LARP1: variants seen among roughly 807,000 people sequenced by gnomAD.
The protein encoded by LARP1 is La ribonucleoprotein 1, translational regulator.
Under a neutral mutation model 122.7 loss-of-function variants are expected in LARP1, and 36 were observed. The observed-to-expected ratio is 0.29, with a 90% CI of 0.22 to 0.39. The LOEUF is 0.39. Ranked by LOEUF, LARP1 falls within the 10% of genes least tolerant of loss-of-function variation. The probability of loss-of-function intolerance (pLI) is 1.00; values close to 1 mark genes in which losing one functional copy is unlikely to be tolerated. For synonymous variants in LARP1, 539 were observed against 528.7 expected, an observed-to-expected ratio of 1.02 and a Z score of -0.27; for missense variants, 1,040 against 1,403.6, an observed-to-expected ratio of 0.74 and a Z score of 4.14.
chr5:154,685,659 A>G (rs1432414934), intron 1 of LARP1: 1 of 358,184 alleles, frequency 2.8e-6, no homozygotes, highest in Admixed American at 3.8e-5. Context: ...CTGCTAGTCT[A>G]TACGATGCCT....
At chr5:154,807,515 A>G (rs910689122) in intron 15 of LARP1, among the ~76,000 whole-genome samples, 20 of 152,014 alleles carry the variant, frequency 1.3e-4, no homozygotes, top group Middle Eastern at 3.2e-3. Context: ...TCCTTCCAAC[A>G]CTTGTTATTG....
intron 1 of LARP1, among the ~76,000 whole-genome samples, chr5:154,769,846 C>T (rs774082833): frequency 1.8e-4 from 27 of 152,276 alleles, no homozygotes; most frequent in Middle Eastern, 6.8e-3. Flanking sequence ...GTGCCTCTCA[C>T]GGTGAGCCAA....
intron 1 of LARP1, among the ~76,000 whole-genome samples, chr5:154,776,658 CTTAAA>C (rs1035977559): frequency 6.6e-6 from 1 of 152,190 alleles, no homozygotes; most frequent in Non-Finnish European, 1.5e-5. Context: ...TGCCCACCTT[CTTAAA>C]TTAATTTCTG....
At chr5:154,714,401 T>A (rs1293985975) in intron 1 of LARP1, among the ~76,000 whole-genome samples, 1 of 152,150 alleles carries the variant, frequency 6.6e-6, no homozygotes, top group Non-Finnish European at 1.5e-5. Context: ...AAATGTACAA[T>A]CATATAAACA....
At position 154,755,678 on chromosome 5, in the gene LARP1, C is replaced by T; in HGVS notation, c.-80C>T. The stretch of plus-strand genomic sequence containing the variant: ...CCCAGCGCCCCGGAGGAAGGCGTCG[C>T]GGGCGCTCTGCTAGCCAAGTTCGAG... On this transcript the variant is annotated 5_prime_UTR_variant, in exon 1 of 19. Coordinates refer to ENST00000518297, the MANE Select transcript of LARP1 (RefSeq NM_033551.3). 1 of 987,684 alleles carries T rather than the reference C, an allele frequency of 1.0e-6. No individual in the cohort carries two copies. The highest frequency in any genetic ancestry group is 1.2e-6 in the Non-Finnish European group (1 of 830,250). The allele number at this position is 987,684 out of a possible 1,614,324, so 61.2% of individuals were successfully genotyped here. A position where few individuals can be genotyped will look rare whatever the true frequency, so the allele number is the denominator to read the frequency against.
At chr5:154,705,404 C>T (rs1270185765) in intron 1 of LARP1, among the ~76,000 whole-genome samples, 2 of 152,012 alleles carry the variant, frequency 1.3e-5, no homozygotes, top group African/African-American at 2.4e-5. Flanking sequence ...TGGAGTCTCG[C>T]TCTGTCACCC....
chr5:154,811,707 T>C (rs1759292565), intron 18 of LARP1, 67 bp downstream of exon 18: 3 of 1,589,716 alleles, frequency 1.9e-6, no homozygotes, highest in Admixed American at 1.7e-5. Flanking sequence ...ATCAGGATAC[T>C]TGGATTCTGG....
At chr5:154,798,490 A>G (rs927101124) in intron 8 of LARP1, among the ~76,000 whole-genome samples, 2 of 152,162 alleles carry the variant, frequency 1.3e-5, no homozygotes, top group Non-Finnish European at 2.9e-5. Flanking sequence ...GGAATGCTCC[A>G]TGTTTTTTCA....
chr5:154,749,260 AGGG>A (rs1360452293), intron 1 of LARP1, among the ~76,000 whole-genome samples: 1 of 152,158 alleles, frequency 6.6e-6, no homozygotes, highest in African/African-American at 2.4e-5. Flanking sequence ...AACTCCAGGG[AGGG>A]TAGTGGGGAT....
At position 154,794,162 on chromosome 5, in the gene LARP1, A is replaced by C. The variant is rs1757567200; in HGVS notation, c.1132A>C (p.Lys378Gln). ...FDGVEGPRTP[K>Q]YMNNITYYFD... ...TGGTGTGGAGGGGCCTCGTACGCCC[A>C]AGTACATGAACAACATCACCTACTA... The change falls in exon 7 of 19, where the codon AAG becomes CAG. Residue 378 changes from lysine to glutamine, a missense_variant. Lys to Gln is a moderately conservative substitution (Grantham distance 53). Coordinates refer to ENST00000518297, the MANE Select transcript of LARP1 (RefSeq NM_033551.3). The C allele has an allele frequency of 6.2e-7, 1 of 1,614,076 alleles. No homozygotes were observed. The highest frequency in any genetic ancestry group is 1.1e-5 in the South Asian group (1 of 91,090).
intron 1 of LARP1, among the ~76,000 whole-genome samples, chr5:154,725,587 T>C (rs1188919187): frequency 1.3e-5 from 2 of 151,688 alleles, no homozygotes; most frequent in East Asian, 1.9e-4. Flanking sequence ...AATAAATGTG[T>C]GTGTGCATTT....
intron 1 of LARP1, among the ~76,000 whole-genome samples, chr5:154,684,984 G>T (rs1753857568): frequency 6.6e-6 from 1 of 152,150 alleles, no homozygotes; most frequent in Admixed American, 6.5e-5. Flanking sequence ...GGTGGCTCAT[G>T]CCTGTAATCT....
chr5:154,772,338 A>G (rs1755505839), intron 1 of LARP1, among the ~76,000 whole-genome samples: 1 of 152,236 alleles, frequency 6.6e-6, no homozygotes, highest in African/African-American at 2.4e-5. Context: ...TCAAGTGCTC[A>G]GTATCCACAT....
chr5:154,756,509 C>A (rs568456216), intron 1 of LARP1: 1 of 985,950 alleles, frequency 1.0e-6, no homozygotes, highest in East Asian at 1.1e-4. Flanking sequence ...AAACGATCCC[C>A]ACCGCATGCT....
chr5:154,795,833 A>T (rs1240446735), intron 8 of LARP1, among the ~76,000 whole-genome samples: 1 of 132,460 alleles, frequency 7.5e-6, no homozygotes, highest in Non-Finnish European at 1.6e-5. Flanking sequence ...TTATATATAT[A>T]TTTTATATAT....
intron 1 of LARP1, among the ~76,000 whole-genome samples, chr5:154,699,679 G>A (rs961668797): frequency 3.9e-5 from 6 of 152,100 alleles, no homozygotes; most frequent in Admixed American, 2.6e-4. Flanking sequence ...CCATTGAATT[G>A]AGTAGTTTTC....
At chr5:154,756,355 C>A (rs1462083179) in intron 1 of LARP1, 162 bp downstream of exon 1, 1 of 962,100 alleles carries the variant, frequency 1.0e-6, no homozygotes, top group Non-Finnish European at 1.3e-6. Flanking sequence ...GCGCCCTCCC[C>A]CCCACCGTAC....
At chr5:154,693,813 G>A (rs58702937) in intron 1 of LARP1, among the ~76,000 whole-genome samples, 11 of 149,326 alleles carry the variant, frequency 7.4e-5, no homozygotes, top group Admixed American at 4.7e-4. Context: ...CCGAGATCGC[G>A]CCACTGCACT....
Position 154,755,553 on chromosome 5 carries a change from C to A in LARP1, c.-205C>A, listed in dbSNP as rs1753788271. Reference sequence around the variant, plus strand: ...TGCAGAGTGGGGGGCCTTCCTCCCCCCCCGCCCCGCTAGTGGGCCTCGGAT... The same window carrying A: ...TGCAGAGTGGGGGGCCTTCCTCCCCACCCGCCCCGCTAGTGGGCCTCGGAT... On this transcript the variant is annotated 5_prime_UTR_variant, in exon 1 of 19. Coordinates refer to ENST00000518297, the MANE Select transcript of LARP1 (RefSeq NM_033551.3). 1.0e-6 allele frequency: 1 copy of A among 987,518 alleles called. No homozygotes were observed. Among genetic ancestry groups the A allele is most frequent in the Non-Finnish European group, 1.2e-6 (1 of 830,130 alleles). The allele number at this position is 987,518 out of a possible 1,614,324, so 61.2% of individuals were successfully genotyped here.
Sources: allele counts gnomAD v4.1 joint callset (sites outside exome capture counted in the v4.1 genomes callset), GRCh38; gene constraint gnomAD v4.1.1; transcripts MANE v1.5; gene names NCBI Gene and HGNC (gene_info 2026-07-23, HGNC 2026-07-21).